Variants in ZNF407 observed in about 807,000 individuals in gnomAD.
The protein encoded by ZNF407 is zinc finger protein 407.
ZNF407 carries 17 observed loss-of-function variants against 131.2 expected under a neutral mutation model. The ratio of observed to expected loss-of-function variants is 0.13; its 90% confidence interval spans 0.09 to 0.19. The LOEUF is 0.19. Among genes scored for constraint, ZNF407 ranks in the 10% least tolerant of loss-of-function variants. ZNF407 has a pLI of 1.00. For missense variants in ZNF407, 2,681 were observed against 2,830.6 expected (o/e 0.95, Z 1.20); for synonymous variants, 1,156 against 1,062.0 (o/e 1.09, Z -1.72).
intron 8 of ZNF407, among the ~76,000 whole-genome samples, chr18:74,926,630 C>G (rs1315279902): frequency 6.6e-6 from 1 of 152,122 alleles, no homozygotes; most frequent in Non-Finnish European, 1.5e-5. Flanking sequence ...TAGTGAAATC[C>G]TGTCTCTACT....
At chr18:74,729,914 G>A (rs1568186647) in intron 3 of ZNF407, among the ~76,000 whole-genome samples, 1 of 152,216 alleles carries the variant, frequency 6.6e-6, no homozygotes, top group Non-Finnish European at 1.5e-5. Context: ...ATTTGGCAGT[G>A]ATGCATTATA....
chr18:74,848,412 G>C (rs1207829292), intron 4 of ZNF407, among the ~76,000 whole-genome samples: 1 of 152,142 alleles, frequency 6.6e-6, no homozygotes, highest in Admixed American at 6.5e-5. Flanking sequence ...AGGAAGTAAG[G>C]CCAGTGCTTA....
At chr18:75,047,470 C>A (rs1424825979) in intron 8 of ZNF407, among the ~76,000 whole-genome samples, 1 of 152,160 alleles carries the variant, frequency 6.6e-6, no homozygotes, top group Non-Finnish European at 1.5e-5. Flanking sequence ...GCACCCTGGC[C>A]CAGCATACTG....
chr18:74,684,712 A>G (rs1464144799), intron 3 of ZNF407, among the ~76,000 whole-genome samples: 1 of 152,238 alleles, frequency 6.6e-6, no homozygotes, highest in Non-Finnish European at 1.5e-5. Context: ...CTGACTTTAC[A>G]GGAAGCTTCT....
chr18:74,685,789 G>A (rs928626577), intron 3 of ZNF407, among the ~76,000 whole-genome samples: 7 of 152,140 alleles, frequency 4.6e-5, no homozygotes, highest in African/African-American at 1.4e-4. Flanking sequence ...TGCCGCCTTC[G>A]AAGTGCCACC....
At chr18:74,972,112 A>C (rs1972479495) in intron 8 of ZNF407, among the ~76,000 whole-genome samples, 1 of 152,180 alleles carries the variant, frequency 6.6e-6, no homozygotes, top group Non-Finnish European at 1.5e-5. Flanking sequence ...CCCTCCCACA[A>C]CATGTGGGAA....
chr18:74,833,900 CT>C (rs530061522), intron 4 of ZNF407, among the ~76,000 whole-genome samples: 245 of 152,156 alleles, frequency 1.6e-3, no homozygotes, highest in Middle Eastern at 0.014. Context: ...TCTCATATTC[CT>C]TTTTGAACAC....
At chr18:74,675,048 T>C (rs1986300142) in intron 3 of ZNF407, among the ~76,000 whole-genome samples, 1 of 152,238 alleles carries the variant, frequency 6.6e-6, no homozygotes, top group Non-Finnish European at 1.5e-5. Flanking sequence ...ATAGAATCCC[T>C]TATTTGTGTC....
chr18:74,967,265 G>A (rs535955326), intron 8 of ZNF407, among the ~76,000 whole-genome samples: 3 of 151,492 alleles, frequency 2.0e-5, no homozygotes, highest in Admixed American at 6.6e-5. Context: ...AAAGAAAGAC[G>A]GATTTGTTTT....
At chr18:74,825,731 T>C (rs1377974843) in intron 4 of ZNF407, among the ~76,000 whole-genome samples, 2 of 152,208 alleles carry the variant, frequency 1.3e-5, no homozygotes, top group African/African-American at 2.4e-5. Flanking sequence ...GAGAGGCTTA[T>C]GATGTATTGA....
At chr18:74,846,768 C>T (rs568241981) in intron 4 of ZNF407, among the ~76,000 whole-genome samples, 4 of 151,740 alleles carry the variant, frequency 2.6e-5, no homozygotes, top group Admixed American at 6.5e-5. Context: ...CCGAGGCTGG[C>T]GGAACACGAG....
At chr18:75,003,195 T>A (rs1972868350) in intron 8 of ZNF407, among the ~76,000 whole-genome samples, 1 of 152,256 alleles carries the variant, frequency 6.6e-6, no homozygotes, top group African/African-American at 2.4e-5. Flanking sequence ...ATTGTATTTC[T>A]CATGTTGAAG....
chr18:74,849,086 T>C (rs2145143227), intron 4 of ZNF407, among the ~76,000 whole-genome samples: 1 of 144,894 alleles, frequency 6.9e-6, no homozygotes, highest in East Asian at 2.0e-4. Context: ...TTTTTGTTGC[T>C]GTTGTTGTTG....
intron 1 of ZNF407, among the ~76,000 whole-genome samples, chr18:74,629,720 A>G (rs1983961779): frequency 6.6e-6 from 1 of 152,240 alleles, no homozygotes. Context: ...AATAGTTGTC[A>G]TTAGCCTTGA....
chr18:74,778,703 C>T (rs1188961226), intron 3 of ZNF407, among the ~76,000 whole-genome samples: 1 of 152,076 alleles, frequency 6.6e-6, no homozygotes, highest in African/African-American at 2.4e-5. Flanking sequence ...TCACTGCATC[C>T]TGTTGATAAG....
chr18:74,747,886 TACAC>T (rs1968707716), intron 3 of ZNF407, among the ~76,000 whole-genome samples: 5 of 152,168 alleles, frequency 3.3e-5, no homozygotes, highest in Non-Finnish European at 5.9e-5. Flanking sequence ...TACATTTATA[TACAC>T]GTATGTTTTT....
intron 6 of ZNF407, among the ~76,000 whole-genome samples, chr18:74,883,445 T>G (rs1971265538): frequency 6.6e-6 from 1 of 152,176 alleles, no homozygotes; most frequent in African/African-American, 2.4e-5. Context: ...CCCACGCAAA[T>G]TATAATCAGC....
chr18:74,795,842 G>C (rs1292174534), intron 4 of ZNF407, among the ~76,000 whole-genome samples: 1 of 152,244 alleles, frequency 6.6e-6, no homozygotes, highest in Non-Finnish European at 1.5e-5. Flanking sequence ...GTATCATCCA[G>C]TACCAGTGTA....
At chr18:74,973,770 C>T (rs961028261) in intron 8 of ZNF407, among the ~76,000 whole-genome samples, 6 of 152,160 alleles carry the variant, frequency 3.9e-5, no homozygotes, top group Non-Finnish European at 7.4e-5. Context: ...CAGTTCCAGG[C>T]GTCTCTGCTC....
Sources: allele counts gnomAD v4.1 joint callset (sites outside exome capture counted in the v4.1 genomes callset), GRCh38; gene constraint gnomAD v4.1.1; transcripts MANE v1.5; gene names NCBI Gene and HGNC (gene_info 2026-07-23, HGNC 2026-07-21).